The following CLEC2A variants were observed in gnomAD, a reference collection of about 807,000 sequenced individuals.
CLEC2A encodes keratinocyte-associated C-type lectin.
Under a neutral mutation model 18.6 loss-of-function variants are expected in CLEC2A, and 19 were observed. The observed-to-expected ratio is 1.02, with a 90% CI of 0.71 to 1.50. CLEC2A has a LOEUF of 1.50. Among genes scored for constraint, CLEC2A ranks in the 40% most tolerant of loss-of-function variants. CLEC2A has a pLI of 0.00. For missense variants in CLEC2A, 190 were observed against 207.9 expected (o/e 0.91, Z 0.53); for synonymous variants, 74 against 64.0 (o/e 1.16, Z -0.75).
At chr12:9,893,394 C>A in the CLEC2A span, 14 of 1,064,510 alleles carry the variant, frequency 1.3e-5, no homozygotes, top group South Asian at 1.8e-4. Flanking sequence ...TTTTTTTAAA[C>A]AAATGAATGA....
At chr12:9,888,818 G>A in the CLEC2A span, 4 of 1,313,378 alleles carry the variant, frequency 3.0e-6, no homozygotes, top group South Asian at 2.6e-5. Flanking sequence ...TACTCTTAGG[G>A]GTAAATTTAG....
At position 9,926,302 on chromosome 12, in the gene CLEC2A, A is replaced by G. The variant is rs1414475595; in HGVS notation, c.97T>C (p.Phe33Leu). 1.3e-6 allele frequency: 2 copies of G among 1,549,830 alleles called. No individual in the cohort carries two copies. The highest frequency in any genetic ancestry group is 2.0e-5 in the Admixed American group (1 of 50,982). The change falls in exon 2 of 5, where the codon TTC (phenylalanine) becomes CTC (leucine). Residue 33 changes from phenylalanine (F) to leucine (L), a missense_variant. Physicochemically the swap from Phe to Leu is conservative, Grantham distance 22. Coordinates refer to ENST00000455827, the MANE Select transcript of CLEC2A (RefSeq NM_001130711.2). ...ACTGTAGTAATAATAATACTCAGGA[A>G]GCACATAAGGCCAATCTTCCAGTTT... is the stretch of plus-strand genomic sequence containing the variant. ...IQNWKIGLMCFLSIIITTVCI... is the reference protein window; with the variant it reads ...IQNWKIGLMCLLSIIITTVCI...
chr12:9,910,472 A>G (rs150765715), downstream of CLEC2A, among the ~76,000 whole-genome samples: 226 of 152,106 alleles, frequency 1.5e-3, no homozygotes, highest in African/African-American at 5.3e-3. Flanking sequence ...CTTCTTCTAG[A>G]AGCTGTGTGT....
At chr12:9,912,085 G>GAAA (rs143502158), downstream of CLEC2A, among the ~76,000 whole-genome samples, 1 of 150,388 alleles carries the variant, frequency 6.6e-6, no homozygotes, top group Non-Finnish European at 1.5e-5. Flanking sequence ...CCTCTAAAAG[G>GAAA]AAAAAAAAAT....
chr12:9,922,663 C>T (rs1388410679), intron 2 of CLEC2A, among the ~76,000 whole-genome samples: 1 of 152,142 alleles, frequency 6.6e-6, no homozygotes, highest in East Asian at 1.9e-4. Flanking sequence ...AAGGACAACA[C>T]ATAAGTGAAA....
the CLEC2A span, among the ~76,000 whole-genome samples, chr12:9,892,012 T>C: frequency 6.6e-6 from 1 of 152,174 alleles, no homozygotes; most frequent in South Asian, 2.1e-4. Context: ...GAGTCAAAGA[T>C]GAATATGACA....
At chr12:9,909,000 G>T (rs919872444), downstream of CLEC2A, among the ~76,000 whole-genome samples, 1 of 152,144 alleles carries the variant, frequency 6.6e-6, no homozygotes, top group Non-Finnish European at 1.5e-5. Flanking sequence ...GTTTCTCTGA[G>T]AAATTCACTT....
At chr12:9,927,333 G>A (rs1863290990) in intron 1 of CLEC2A, among the ~76,000 whole-genome samples, 1 of 152,060 alleles carries the variant, frequency 6.6e-6, no homozygotes, top group Non-Finnish European at 1.5e-5. Flanking sequence ...ATCAAAAATG[G>A]TACACCTTTA....
intron 1 of CLEC2A, among the ~76,000 whole-genome samples, chr12:9,927,894 T>C (rs554569833): frequency 1.3e-5 from 2 of 151,930 alleles, no homozygotes; most frequent in African/African-American, 4.8e-5. Context: ...TAAAAACCAC[T>C]GCACAAATTT....
At chr12:9,879,243 A>G in the CLEC2A span, among the ~76,000 whole-genome samples, 1 of 152,238 alleles carries the variant, frequency 6.6e-6, no homozygotes, top group African/African-American at 2.4e-5. Context: ...TATGTTGCCC[A>G]GAAACTTAGC....
At chr12:9,895,572 C>T, downstream of CLEC2A, 2 of 908,556 alleles carry the variant, frequency 2.2e-6, no homozygotes, top group Non-Finnish European at 3.2e-6. Flanking sequence ...ATTCTAAAAC[C>T]TCTGCAAAAC....
chr12:9,884,581 T>G, the CLEC2A span, among the ~76,000 whole-genome samples: 1 of 148,818 alleles, frequency 6.7e-6, no homozygotes. Flanking sequence ...GAATAATATA[T>G]ATGTTTACAT....
intron 3 of CLEC2A, among the ~76,000 whole-genome samples, chr12:9,920,990 T>C (rs1863162934): frequency 6.6e-6 from 1 of 152,172 alleles, no homozygotes; most frequent in African/African-American, 2.4e-5. Flanking sequence ...ACAGTATGCA[T>C]TGTGGTAAAG....
chr12:9,880,139 TC>T, the CLEC2A span, among the ~76,000 whole-genome samples: 1 of 152,178 alleles, frequency 6.6e-6, no homozygotes, highest in Non-Finnish European at 1.5e-5. Context: ...AGGTAAGTCT[TC>T]CCACTGAACA....
At chr12:9,894,635 T>A (rs74594143), downstream of CLEC2A, among the ~76,000 whole-genome samples, 37 of 152,340 alleles carry the variant, frequency 2.4e-4, no homozygotes, top group East Asian at 6.7e-3. Flanking sequence ...TTACTAGTCA[T>A]ACTACCAAAA....
At chr12:9,888,903 G>A in the CLEC2A span, 6 of 532,048 alleles carry the variant, frequency 1.1e-5, no homozygotes, top group Admixed American at 8.6e-5. Flanking sequence ...AAGGTATGGG[G>A]CTGAAAAGGA....
intron 1 of CLEC2A, among the ~76,000 whole-genome samples, chr12:9,928,190 G>A (rs1313329500): frequency 6.6e-6 from 1 of 152,184 alleles, no homozygotes; most frequent in Non-Finnish European, 1.5e-5. Context: ...TAAGGGCTGG[G>A]CACAGTGGCT....
At chr12:9,906,912 T>TTA in intron 4 of CLEC2A, among the ~76,000 whole-genome samples, 1 of 152,202 alleles carries the variant, frequency 6.6e-6, no homozygotes, top group East Asian at 1.9e-4. Context: ...TTATCAGTGG[T>TTA]TAGTGTTAAA....
At position 9,913,691 on chromosome 12, in the gene CLEC2A, A is replaced by G. The variant is rs1404282604; in HGVS notation, c.411-11T>C. 1 of 1,518,512 alleles carries G rather than the reference A, an allele frequency of 6.6e-7. No homozygotes were observed. Among genetic ancestry groups the G allele is most frequent in the Non-Finnish European group, 8.9e-7 (1 of 1,124,600 alleles). 94.1% of individuals were successfully genotyped at this position (1,518,512 alleles called of 1,614,324 possible). On this transcript the variant is annotated splice_polypyrimidine_tract_variant and intron_variant, in intron 4 of 4. Coordinates refer to ENST00000455827, the MANE Select transcript of CLEC2A (RefSeq NM_001130711.2). ...CCTATAATTTCAAACCTGAAAAAGA[A>G]CACTCTAAATCAGTCTGGGAACCAC...
Sources: allele counts gnomAD v4.1 joint callset (sites outside exome capture counted in the v4.1 genomes callset), GRCh38; gene constraint gnomAD v4.1.1; transcripts MANE v1.5; gene names NCBI Gene and HGNC (gene_info 2026-07-23, HGNC 2026-07-21).